EXOC1L: variants seen among roughly 807,000 people sequenced by gnomAD.
EXOC1L encodes exocyst complex component 1 like.
EXOC1L carries 10 observed loss-of-function variants against 4.9 expected under a neutral mutation model. The observed-to-expected ratio is 2.02, with a 90% confidence interval of 1.25 to 3.43. The LOEUF is 3.43. EXOC1L is among the 30% of genes most tolerant of loss of function. The probability of loss-of-function intolerance (pLI) is 0.00; values close to 1 mark genes in which losing one functional copy is unlikely to be tolerated. For missense variants in EXOC1L, 114 were observed against 59.4 expected (o/e 1.92, Z -3.02); for synonymous variants, 41 against 20.8 (o/e 1.97, Z -2.63).
At chr4:55,832,712 T>C (rs1720066182) in intron 2 of EXOC1L, among the ~76,000 whole-genome samples, 1 of 152,070 alleles carries the variant, frequency 6.6e-6, no homozygotes, top group African/African-American at 2.4e-5. Flanking sequence ...CTTAAAGAGA[T>C]TGACTTGCCC....
intron 2 of EXOC1L, among the ~76,000 whole-genome samples, chr4:55,832,296 G>A (rs1325004203): frequency 6.6e-6 from 1 of 152,010 alleles, no homozygotes; most frequent in South Asian, 2.1e-4. Context: ...TCTTTGTAGT[G>A]TTATTGTTGA....
At chr4:55,823,279 T>C (rs897716964) in intron 1 of EXOC1L, among the ~76,000 whole-genome samples, 1 of 152,092 alleles carries the variant, frequency 6.6e-6, no homozygotes, top group Admixed American at 6.5e-5. Context: ...TAAATAAGAA[T>C]GAGTTAATGA....
rs1720030268 is a variant in EXOC1L at position 55,831,459 on chromosome 4, G to A, written c.247G>A (p.Asp83Asn). 4 of 689,330 alleles carry A rather than the reference G, an allele frequency of 5.8e-6. No homozygotes were observed. The highest frequency in any genetic ancestry group is 1.1e-5 in the Non-Finnish European group (4 of 380,426). The allele number at this position is 689,330 out of a possible 1,614,324, so 42.7% of individuals were successfully genotyped here. The change falls in exon 2 of 3, where the codon GAT becomes AAT. Residue 83 changes from aspartate to asparagine, a missense_variant. Physicochemically the swap from Asp to Asn is conservative, Grantham distance 23 (BLOSUM62 1). Coordinates refer to ENST00000636125, the MANE Select transcript of EXOC1L (RefSeq NM_001351574.3). ...GCAGATGATTGATGGAAAAGAAGCAGATACTGTAAGTGTTACATTTTATAA... is the reference window on the plus strand; with the variant it reads ...GCAGATGATTGATGGAAAAGAAGCAAATACTGTAAGTGTTACATTTTATAA... Reference protein sequence around the residue: ...DLQMIDGKEADTDNPFFDLHF... With the variant: ...DLQMIDGKEANTDNPFFDLHF...
intron 1 of EXOC1L, among the ~76,000 whole-genome samples, chr4:55,824,809 G>A (rs772017758): frequency 1.4e-4 from 21 of 152,088 alleles, no homozygotes; most frequent in Non-Finnish European, 7.4e-5. Flanking sequence ...TAAAAGGGCC[G>A]GTAGCTTGGA....
At chr4:55,822,865 G>T (rs1240157662) in intron 1 of EXOC1L, among the ~76,000 whole-genome samples, 1 of 151,468 alleles carries the variant, frequency 6.6e-6, no homozygotes, top group Non-Finnish European at 1.5e-5. Flanking sequence ...TTAAATTAAG[G>T]TTATAATTTT....
rs747678618 is a variant in EXOC1L, at chr4:55,819,852, T to C, written c.-175T>C. ...ACCGCAGTGAGGGGTCTGACCGCGC[T>C]GAGTGCTCTCGGGAATCTGGGCTCT... On this transcript the variant is annotated 5_prime_UTR_variant, in exon 1 of 3. Coordinates refer to ENST00000636125, the MANE Select transcript of EXOC1L (RefSeq NM_001351574.3). 820 of 373,180 alleles carry C rather than the reference T, an allele frequency of 2.2e-3. No homozygotes were observed. Among genetic ancestry groups the C allele is most frequent in the Non-Finnish European group, 3.3e-3 (690 of 210,762 alleles). The allele number at this position is 373,180 out of a possible 1,614,324, so 23.1% of individuals were successfully genotyped here.
chr4:55,833,572 A>T (rs1461218901), intron 2 of EXOC1L, among the ~76,000 whole-genome samples: 1 of 151,888 alleles, frequency 6.6e-6, no homozygotes, highest in African/African-American at 2.4e-5. Context: ...AGTTTCAGGA[A>T]CTAGCCCCAC....
intron 1 of EXOC1L, among the ~76,000 whole-genome samples, chr4:55,821,873 C>G (rs945289239): frequency 6.6e-6 from 1 of 151,966 alleles, no homozygotes; most frequent in Non-Finnish European, 1.5e-5. Flanking sequence ...AAATGTAACA[C>G]CTTTTTATGG....
intron 2 of EXOC1L, among the ~76,000 whole-genome samples, chr4:55,834,461 AAGAG>A (rs1720111635): frequency 6.6e-6 from 1 of 151,978 alleles, no homozygotes; most frequent in Non-Finnish European, 1.5e-5. Flanking sequence ...TCTATCAAAA[AAGAG>A]AGAGAAAGAG....
At chr4:55,832,296 G>C (rs1325004203) in intron 2 of EXOC1L, among the ~76,000 whole-genome samples, 3 of 152,010 alleles carry the variant, frequency 2.0e-5, no homozygotes, top group Non-Finnish European at 4.4e-5. Flanking sequence ...TCTTTGTAGT[G>C]TTATTGTTGA....
intron 1 of EXOC1L, among the ~76,000 whole-genome samples, chr4:55,823,202 C>T (rs1485198091): frequency 6.6e-6 from 1 of 151,454 alleles, no homozygotes; most frequent in Non-Finnish European, 1.5e-5. Flanking sequence ...TAAGCCATAC[C>T]AGAACTTCTC....
chr4:55,834,545 T>A (rs1415624174), intron 2 of EXOC1L, among the ~76,000 whole-genome samples: 1 of 151,954 alleles, frequency 6.6e-6, no homozygotes, highest in Non-Finnish European at 1.5e-5. Flanking sequence ...AAAATATTGC[T>A]CTGTTGCAAT....
At chr4:55,831,949 A>C (rs1230980630) in intron 2 of EXOC1L, among the ~76,000 whole-genome samples, 1 of 152,006 alleles carries the variant, frequency 6.6e-6, no homozygotes, top group Non-Finnish European at 1.5e-5. Context: ...GACCCCTGAC[A>C]AGTGATTTTC....
chr4:55,833,724 C>G (rs1295394571), intron 2 of EXOC1L, among the ~76,000 whole-genome samples: 1 of 151,898 alleles, frequency 6.6e-6, no homozygotes, highest in African/African-American at 2.4e-5. Context: ...AATTTAGATT[C>G]ATTTCAAATC....
chr4:55,837,465 A>G lies in EXOC1L; in HGVS notation c.*114A>G. On this transcript the variant is annotated 3_prime_UTR_variant, in exon 3 of 3. Coordinates refer to ENST00000636125, the MANE Select transcript of EXOC1L (RefSeq NM_001351574.3). ...AGTGATTATTATAATTTAAATAAAA[A>G]TAAAGTAATGCTTTGTGAATTGCAG... is the stretch of plus-strand genomic sequence containing the variant. 2.2e-6 allele frequency: 1 copy of G among 451,746 alleles called. No homozygotes were observed. Among genetic ancestry groups the G allele is most frequent in the Non-Finnish European group, 3.9e-6 (1 of 255,712 alleles). 28.0% of individuals were successfully genotyped at this position (451,746 alleles called of 1,614,324 possible). A position where few individuals can be genotyped will look rare whatever the true frequency, so the allele number is the denominator to read the frequency against.
chr4:55,824,502 A>G (rs1289342515), intron 1 of EXOC1L, among the ~76,000 whole-genome samples: 2 of 152,022 alleles, frequency 1.3e-5, no homozygotes, highest in Non-Finnish European at 2.9e-5. Flanking sequence ...AGCTGGGACT[A>G]CAGTCATGCG....
At chr4:55,823,424 A>G (rs995528606) in intron 1 of EXOC1L, among the ~76,000 whole-genome samples, 1 of 152,218 alleles carries the variant, frequency 6.6e-6, no homozygotes, top group African/African-American at 2.4e-5. Flanking sequence ...ATTTCAGGAG[A>G]TGATAGTATT....
At chr4:55,821,978 T>G (rs539858529) in intron 1 of EXOC1L, among the ~76,000 whole-genome samples, 1 of 152,328 alleles carries the variant, frequency 6.6e-6, no homozygotes, top group Non-Finnish European at 1.5e-5. Context: ...CTCAGACAAT[T>G]TCCATTGGTA....
chr4:55,824,407 G>A (rs1374209916), intron 1 of EXOC1L, among the ~76,000 whole-genome samples: 2 of 151,910 alleles, frequency 1.3e-5, no homozygotes, highest in Non-Finnish European at 2.9e-5. Context: ...TTGACACCCA[G>A]GCTGGAGTGC....
Sources: allele counts gnomAD v4.1 joint callset (sites outside exome capture counted in the v4.1 genomes callset), GRCh38; gene constraint gnomAD v4.1.1; transcripts MANE v1.5; gene names NCBI Gene and HGNC (gene_info 2026-07-23, HGNC 2026-07-21).